MEF2A: variants seen among roughly 807,000 people sequenced by gnomAD.
MEF2A encodes myocyte enhancer factor 2A, also known as myocyte-specific enhancer factor 2A.
A neutral mutation model predicts 55.8 loss-of-function variants in MEF2A; 28 were observed. The ratio of observed to expected loss-of-function variants is 0.50; its 90% confidence interval spans 0.37 to 0.69. The LOEUF (loss-of-function observed/expected upper bound fraction) is 0.69, where lower values mean the gene tolerates loss of function less well. Ranked by LOEUF, MEF2A falls within the 30% of genes least tolerant of loss-of-function variation. MEF2A has a pLI of 0.00. For missense variants in MEF2A, 528 were observed against 626.2 expected (o/e 0.84, Z 1.67); for synonymous variants, 239 against 227.1 (o/e 1.05, Z -0.47).
In MEF2A at chr15:99,713,053, A is replaced by C. The variant is rs1194950921; in HGVS notation, c.*282A>C. ...GACAAGTCTGGCACTTCCTTGGACT[A>C]CTTGTTTCGTAAAGATAACCAGTTT... On this transcript the variant is annotated 3_prime_UTR_variant, in exon 12 of 12. Transcript: ENST00000557942. 2.1e-5 allele frequency: 10 copies of C among 476,642 alleles called. No homozygotes were observed. The highest frequency in any genetic ancestry group is 3.7e-5 in the Non-Finnish European group (10 of 271,264). The allele number at this position is 476,642 out of a possible 1,614,324, so 29.5% of individuals were successfully genotyped here.
intron 4 of MEF2A, among the ~76,000 whole-genome samples, chr15:99,660,151 C>G (rs1390371865): frequency 6.6e-6 from 1 of 152,154 alleles, no homozygotes; most frequent in African/African-American, 2.4e-5. Context: ...TGAAAGTCTT[C>G]AGCAAAATAT....
intron 4 of MEF2A, among the ~76,000 whole-genome samples, chr15:99,668,814 T>G (rs2050308976): frequency 1.3e-5 from 2 of 152,254 alleles, no homozygotes; most frequent in African/African-American, 4.8e-5. Context: ...AAACTTCTAC[T>G]GTTGTGCTAT....
chr15:99,634,066 G>A (rs2043363340), intron 3 of MEF2A, among the ~76,000 whole-genome samples: 1 of 152,192 alleles, frequency 6.6e-6, no homozygotes, highest in Non-Finnish European at 1.5e-5. Context: ...CTGGAGAGAT[G>A]CTATCTCTGG....
rs1379475651 is a variant in MEF2A, at chr15:99,710,746, C to T, written c.1122C>T (p.Ala374=). The T allele has an allele frequency of 3.1e-6, 5 of 1,606,392 alleles. No homozygotes were observed. The highest frequency in any genetic ancestry group is 2.2e-5 in the East Asian group (1 of 44,572). ...AGCAGCACCACCTAGGACAAGCAGC[C>T]CTCAGCTCTCTTGTGTGAGTAACTA... ...AWQQHHLGQA[A]LSSLVAGGQL... The change falls in exon 11 of 12, where the codon GCC becomes GCT. Residue 374 remains alanine (A), a synonymous_variant. Transcript: ENST00000557942.
At chr15:99,622,686 T>C (rs1426422316) in intron 2 of MEF2A, among the ~76,000 whole-genome samples, 1 of 148,114 alleles carries the variant, frequency 6.8e-6, no homozygotes, top group Non-Finnish European at 1.5e-5. Context: ...CATCCTTCTT[T>C]AGGATGTTTT....
chr15:99,601,565 G>A (rs1049533628), intron 2 of MEF2A, among the ~76,000 whole-genome samples: 2 of 129,096 alleles, frequency 1.5e-5, no homozygotes, highest in African/African-American at 5.6e-5. Context: ...TTGGCCAAAT[G>A]TTTTTTCTGC....
chr15:99,601,608 G>A (rs1490008580), intron 2 of MEF2A, among the ~76,000 whole-genome samples: 2 of 147,398 alleles, frequency 1.4e-5, no homozygotes, highest in African/African-American at 5.0e-5. Flanking sequence ...CTCCCCTCCT[G>A]TTTGTCTGTG....
intron 3 of MEF2A, among the ~76,000 whole-genome samples, chr15:99,644,795 A>G (rs1196599728): frequency 6.6e-6 from 1 of 152,222 alleles, no homozygotes; most frequent in Non-Finnish European, 1.5e-5. Flanking sequence ...CCGTATTAGA[A>G]GAAGAGGGAT....
intron 4 of MEF2A, among the ~76,000 whole-genome samples, chr15:99,656,279 T>G (rs369038838): frequency 3.1e-4 from 47 of 152,146 alleles, no homozygotes; most frequent in African/African-American, 1.1e-3. Context: ...TACTAACATA[T>G]ATTACTTCCA....
rs768253806 is a variant in MEF2A at position 99,712,151 on chromosome 15, T to A, written c.1137-239T>A. On this transcript the variant is annotated intron_variant, in intron 11 of 11. Transcript: ENST00000557942. The surrounding 1 kb of genome is among the most constrained non-coding windows in gnomAD (Gnocchi z 4.1). ...TACTTTAGCTGCAAAAGTACCAACG[T>A]TGTGGGTAACAGAACCAAGTAACGT... 3.3e-5 allele frequency among the ~76,000 whole-genome samples: 5 copies of A among 152,198 alleles called. No homozygotes were observed. The highest frequency in any genetic ancestry group is 1.2e-4 in the African/African-American group (5 of 41,452).
chr15:99,686,654 TC>T (rs1379119725), intron 7 of MEF2A, among the ~76,000 whole-genome samples: 2 of 152,210 alleles, frequency 1.3e-5, no homozygotes, highest in Admixed American at 1.3e-4. Context: ...TTAAGATTCT[TC>T]CCTTTGTCTT....
chr15:99,663,003 A>T (rs990544488), intron 4 of MEF2A, among the ~76,000 whole-genome samples: 1 of 152,150 alleles, frequency 6.6e-6, no homozygotes, highest in Non-Finnish European at 1.5e-5. Flanking sequence ...TTTTAATTCC[A>T]TAGTTTCACT....
chr15:99,587,879 C>T (rs964952811), intron 1 of MEF2A, among the ~76,000 whole-genome samples: 4 of 151,848 alleles, frequency 2.6e-5, no homozygotes, highest in Non-Finnish European at 4.4e-5. Context: ...GTGAATAGAA[C>T]CTGTTTTAAT....
At chr15:99,708,351 A>G (rs2058265113) in intron 10 of MEF2A, among the ~76,000 whole-genome samples, 1 of 152,240 alleles carries the variant, frequency 6.6e-6, no homozygotes, top group African/African-American at 2.4e-5. Context: ...GTGTCAGATT[A>G]TGGTTTACTG....
chr15:99,630,287 A>G (rs1164878420), intron 2 of MEF2A, among the ~76,000 whole-genome samples: 1 of 150,228 alleles, frequency 6.7e-6, no homozygotes, highest in African/African-American at 2.5e-5. Flanking sequence ...TATATTTCTC[A>G]TTCTCTTTTT....
At chr15:99,570,370 TAAACAAGA>T (rs925507326) in intron 1 of MEF2A, among the ~76,000 whole-genome samples, 5 of 151,866 alleles carry the variant, frequency 3.3e-5, no homozygotes, top group Non-Finnish European at 5.9e-5. Flanking sequence ...AAAAACAAAA[TAAACAAGA>T]AAACATGAAA....
chr15:99,625,764 T>C (rs895735047), intron 2 of MEF2A, among the ~76,000 whole-genome samples: 5 of 152,268 alleles, frequency 3.3e-5, no homozygotes, highest in African/African-American at 1.2e-4. Flanking sequence ...TTCTCTTATG[T>C]GGTGTGTCAC....
At chr15:99,647,436 C>T (rs916642869) in intron 4 of MEF2A, among the ~76,000 whole-genome samples, 2 of 152,166 alleles carry the variant, frequency 1.3e-5, no homozygotes, top group African/African-American at 4.8e-5. Flanking sequence ...CTCCTTAACC[C>T]TAACTACACT....
chr15:99,654,585 G>A (rs905182695), intron 4 of MEF2A, among the ~76,000 whole-genome samples: 2 of 151,330 alleles, frequency 1.3e-5, no homozygotes, highest in African/African-American at 4.9e-5. Flanking sequence ...AAAAAAAGGG[G>A]GGGGTATTGG....
Sources: allele counts gnomAD v4.1 joint callset (sites outside exome capture counted in the v4.1 genomes callset), GRCh38; gene constraint gnomAD v4.1.1; non-coding constraint Gnocchi (gnomAD v3.1); transcripts MANE v1.5; gene names NCBI Gene and HGNC (gene_info 2026-07-23, HGNC 2026-07-21).